Variants in PLCG2 observed in about 807,000 individuals in gnomAD.
PLCG2 encodes phospholipase C gamma 2, also known as 1-phosphatidylinositol 4,5-bisphosphate phosphodiesterase gamma-2.
In PLCG2, 69 loss-of-function variants were observed where a neutral mutation model predicts 175.6. That is an observed-to-expected ratio of 0.39 (90% CI 0.32 to 0.48). PLCG2 has a LOEUF of 0.48. Ranked by LOEUF, PLCG2 falls within the 20% of genes least tolerant of loss-of-function variation. The pLI is 0.91. For missense variants in PLCG2, 1,798 were observed against 1,650.9 expected (o/e 1.09, Z -1.54); for synonymous variants, 827 against 624.0 (o/e 1.33, Z -4.85).
intron 2 of PLCG2, among the ~76,000 whole-genome samples, chr16:81,835,523 G>A (rs540112287): frequency 6.6e-6 from 1 of 152,120 alleles, no homozygotes; most frequent in Non-Finnish European, 1.5e-5. Context: ...AGGTTGCTGT[G>A]AGCTGAGATT....
At chr16:81,908,616 C>T (rs1253868949) in intron 17 of PLCG2, 25 bp downstream of exon 17, 2 of 1,582,052 alleles carry the variant, frequency 1.3e-6, no homozygotes, top group African/African-American at 1.3e-5. Flanking sequence ...CCAGGGAACG[C>T]CTACCTTCTT....
At chr16:81,799,436 A>C (rs1054193827) in intron 2 of PLCG2, among the ~76,000 whole-genome samples, 4 of 152,026 alleles carry the variant, frequency 2.6e-5, no homozygotes, top group Non-Finnish European at 1.5e-5. Context: ...GAATTAATTA[A>C]TTTTTTGAGG....
rs975819129 is a variant in PLCG2, at chr16:81,779,340, C to G, written c.-132C>G. ...AGGGCGTGAGCGGCGCTGAGTGACC[C>G]GAGTCGGGACGCGGGCTGCGCGCGC... On this transcript the variant is annotated 5_prime_UTR_variant, in exon 1 of 33. Coordinates refer to ENST00000564138, the MANE Select transcript of PLCG2 (RefSeq NM_002661.5). 1.3e-5 allele frequency: 2 copies of G among 150,658 alleles called. No individual in the cohort carries two copies. The highest frequency in any genetic ancestry group is 3.0e-5 in the Non-Finnish European group (2 of 67,518). The allele number at this position is 150,658 out of a possible 1,614,324, so 9.3% of individuals were successfully genotyped here.
intron 17 of PLCG2, among the ~76,000 whole-genome samples, chr16:81,909,198 G>A (rs1909510699): frequency 6.6e-6 from 1 of 152,196 alleles, no homozygotes; most frequent in African/African-American, 2.4e-5. Flanking sequence ...GATGGGCAAT[G>A]AAAAAGCAGT....
intron 2 of PLCG2, among the ~76,000 whole-genome samples, chr16:81,760,975 C>G (rs1249637044): frequency 6.6e-6 from 1 of 152,078 alleles, no homozygotes; most frequent in African/African-American, 2.4e-5. Flanking sequence ...GTGATCTCAG[C>G]TCACGGCAAC....
upstream of PLCG2, chr16:81,779,127 C>T (rs913142180): frequency 6.6e-6 from 1 of 152,236 alleles, no homozygotes; most frequent in African/African-American, 2.4e-5. Flanking sequence ...GGCTCCAGGC[C>T]TGGGCCGCTC....
chr16:81,757,304 C>T (rs1477445503), intron 2 of PLCG2, among the ~76,000 whole-genome samples: 1 of 152,062 alleles, frequency 6.6e-6, no homozygotes, highest in Non-Finnish European at 1.5e-5. Flanking sequence ...ACACACAAAA[C>T]CCCCAAACAA....
At chr16:81,914,232 T>C (rs1909747407) in intron 19 of PLCG2, among the ~76,000 whole-genome samples, 1 of 152,170 alleles carries the variant, frequency 6.6e-6, no homozygotes, top group South Asian at 2.1e-4. Context: ...GCCCAAGCGG[T>C]GAGACAGCTC....
chr16:81,878,899 C>T (rs151240767), intron 7 of PLCG2, among the ~76,000 whole-genome samples: 3 of 152,128 alleles, frequency 2.0e-5, no homozygotes, highest in African/African-American at 4.8e-5. Flanking sequence ...TCCCAGGGGC[C>T]AATTCCTGCA....
chr16:81,758,108 T>A (rs561277285), intron 2 of PLCG2, among the ~76,000 whole-genome samples: 1 of 152,276 alleles, frequency 6.6e-6, no homozygotes, highest in Admixed American at 6.5e-5. Flanking sequence ...CCTGAGTAAC[T>A]GGGACCACAG....
intron 2 of PLCG2, among the ~76,000 whole-genome samples, chr16:81,849,839 A>T (rs1348512789): frequency 2.6e-5 from 4 of 152,080 alleles, no homozygotes; most frequent in African/African-American, 9.7e-5. Flanking sequence ...TGGGAAAGAG[A>T]ATTGTTAGAC....
intron 9 of PLCG2, among the ~76,000 whole-genome samples, chr16:81,888,515 C>A (rs7206344): frequency 6.6e-6 from 1 of 152,086 alleles, no homozygotes; most frequent in East Asian, 1.9e-4. Flanking sequence ...TTCTGTGCAC[C>A]AGGTGCTGCA....
At chr16:81,742,926 T>G (rs1166563323) in intron 1 of PLCG2, among the ~76,000 whole-genome samples, 1 of 152,208 alleles carries the variant, frequency 6.6e-6, no homozygotes, top group East Asian at 1.9e-4. Context: ...CATTATCAAC[T>G]TGCAATAACT....
chr16:81,772,371 G>A (rs963231496), intron 2 of PLCG2, among the ~76,000 whole-genome samples: 3 of 152,098 alleles, frequency 2.0e-5, no homozygotes, highest in African/African-American at 7.2e-5. Flanking sequence ...CTGGCACCTT[G>A]CATTCAGACT....
chr16:81,859,272 T>G, intron 5 of PLCG2, 109 bp downstream of exon 5: 1 of 727,040 alleles, frequency 1.4e-6, no homozygotes. Context: ...AGGTCCTCAC[T>G]GCGTCCATTG....
chr16:81,875,244 G>A (rs1169497116), intron 7 of PLCG2, among the ~76,000 whole-genome samples: 1 of 152,042 alleles, frequency 6.6e-6, no homozygotes, highest in African/African-American at 2.4e-5. Flanking sequence ...GATTACAGGT[G>A]TGAGCCATCA....
intron 7 of PLCG2, among the ~76,000 whole-genome samples, chr16:81,878,888 G>A (rs749216374): frequency 2.0e-5 from 3 of 151,992 alleles, no homozygotes; most frequent in Admixed American, 6.6e-5. Flanking sequence ...CCTGCTCTGC[G>A]TCCCAGGGGC....
At chr16:81,956,977 G>A (rs372975662) in intron 32 of PLCG2, 98 bp downstream of exon 32, 26 of 1,049,438 alleles carry the variant, frequency 2.5e-5, no homozygotes, top group African/African-American at 2.2e-4. Context: ...CCTCTGAGTT[G>A]CTTTCTTCAG....
chr16:81,802,062 C>CTAGAAGT (rs1446581032), intron 2 of PLCG2, among the ~76,000 whole-genome samples: 3 of 128,522 alleles, frequency 2.3e-5, no homozygotes, highest in African/African-American at 8.7e-5. Flanking sequence ...AATGAAAAAA[C>CTAGAAGT]TAGAAGTTAG....
Sources: gnomAD v4.1 joint callset for allele counts (sites outside exome capture counted in the v4.1 genomes callset) on GRCh38, gnomAD v4.1.1 for gene constraint, MANE v1.5 for transcripts, NCBI Gene and HGNC (gene_info 2026-07-23, HGNC 2026-07-21) for gene names.